Variants in PLCG2 observed in about 807,000 individuals in gnomAD.
PLCG2 encodes the protein phospholipase C gamma 2, also known as 1-phosphatidylinositol 4,5-bisphosphate phosphodiesterase gamma-2.
A neutral mutation model predicts 175.6 loss-of-function variants in PLCG2; 69 were observed. That is an observed-to-expected ratio of 0.39 (90% CI 0.32 to 0.48). The LOEUF is 0.48. Ranked by LOEUF, PLCG2 falls within the 20% of genes least tolerant of loss-of-function variation. The probability of loss-of-function intolerance (pLI) is 0.91; values close to 1 mark genes in which losing one functional copy is unlikely to be tolerated. For synonymous variants in PLCG2, 827 were observed against 624.0 expected (o/e 1.33, Z -4.85); for missense variants, 1,798 against 1,650.9 (o/e 1.09, Z -1.54).
At chr16:81,771,599 C>T (rs1348329514) in intron 2 of PLCG2, among the ~76,000 whole-genome samples, 1 of 152,100 alleles carries the variant, frequency 6.6e-6, no homozygotes, top group Non-Finnish European at 1.5e-5. Flanking sequence ...CCTCTTCCTG[C>T]TGTCTCCCCA....
intron 2 of PLCG2, among the ~76,000 whole-genome samples, chr16:81,829,270 G>T (rs12448393): frequency 0.43 from 65,852 of 151,656 alleles, 16,228 homozygotes; most frequent in African/African-American, 0.69. Context: ...CAACGTGCCC[G>T]GCTAATTTTT....
chr16:81,781,889 C>T (rs1597315011), intron 1 of PLCG2, among the ~76,000 whole-genome samples: 1 of 129,888 alleles, frequency 7.7e-6, no homozygotes, highest in South Asian at 2.5e-4. Context: ...CGCCCGCCCC[C>T]GAGACGGAGT....
intron 19 of PLCG2, among the ~76,000 whole-genome samples, chr16:81,914,524 T>G (rs1444054302): frequency 1.3e-5 from 2 of 152,178 alleles, no homozygotes; most frequent in African/African-American, 4.8e-5. Flanking sequence ...CCATTCAGTT[T>G]GTGAGCTTGT....
At chr16:81,948,483 G>C (rs576077953) in intron 31 of PLCG2, among the ~76,000 whole-genome samples, 110 of 152,304 alleles carry the variant, frequency 7.2e-4, no homozygotes, top group African/African-American at 2.5e-3. Flanking sequence ...GAGCTAACCT[G>C]CAAGGGGTGG....
chr16:81,902,773 A>C (rs950951463), intron 14 of PLCG2, among the ~76,000 whole-genome samples: 3 of 152,326 alleles, frequency 2.0e-5, no homozygotes, highest in Non-Finnish European at 4.4e-5. Flanking sequence ...TAAAGGAAAG[A>C]GGTTTAATGG....
Position 81,890,149 on chromosome 16 carries a change from A to G in PLCG2, c.867+876A>G, listed in dbSNP as rs1241726387. On this transcript the variant is annotated intron_variant, in intron 10 of 32. Coordinates refer to ENST00000564138, the MANE Select transcript of PLCG2 (RefSeq NM_002661.5). ...AAAGGCCAATCTTAGGTTAAACCACAGTGATGTTATCTGTAGGAGTAACTG... is the reference window on the plus strand; with the variant it reads ...AAAGGCCAATCTTAGGTTAAACCACGGTGATGTTATCTGTAGGAGTAACTG... Among the ~76,000 whole-genome samples, 3 of 152,124 alleles carry G rather than the reference A, an allele frequency of 2.0e-5. No homozygotes were observed. In the East Asian group the frequency reaches 5.8e-4, roughly 29 times the overall value.
At chr16:81,788,996 C>G (rs1911106431) in intron 2 of PLCG2, among the ~76,000 whole-genome samples, 1 of 152,196 alleles carries the variant, frequency 6.6e-6, no homozygotes, top group Non-Finnish European at 1.5e-5. Context: ...CCTGCCCATC[C>G]CAAACCTAGC....
At chr16:81,817,223 A>C (rs924833594) in intron 2 of PLCG2, among the ~76,000 whole-genome samples, 3 of 152,158 alleles carry the variant, frequency 2.0e-5, no homozygotes, top group African/African-American at 7.2e-5. Flanking sequence ...ATTTAGGCCG[A>C]GATCCGATGG....
intron 18 of PLCG2, 91 bp from the exon 19 acceptor site, chr16:81,912,506 T>C: frequency 6.8e-7 from 1 of 1,479,588 alleles, no homozygotes; most frequent in South Asian, 1.3e-5. Flanking sequence ...GTTCCAGGTG[T>C]CACTGGTGCC....
intron 7 of PLCG2, among the ~76,000 whole-genome samples, chr16:81,872,994 GA>G (rs1196204447): frequency 6.6e-6 from 1 of 152,208 alleles, no homozygotes; most frequent in Non-Finnish European, 1.5e-5. Context: ...AGAGAAATGG[GA>G]GGGCCATTTC....
At chr16:81,856,009 C>T (rs1242498577) in intron 3 of PLCG2, among the ~76,000 whole-genome samples, 1 of 152,130 alleles carries the variant, frequency 6.6e-6, no homozygotes, top group East Asian at 1.9e-4. Flanking sequence ...GTAAGGAGAC[C>T]AGAAGAACCC....
rs543448358 is a variant in PLCG2 at position 81,888,606 on chromosome 16, G to A, written c.766-566G>A. ...TACAATGCTTCACAGAAACTGTGTG[G>A]TAGATACTCTTATTCCCACTTCATG... On this transcript the variant is annotated intron_variant, in intron 9 of 32. Coordinates refer to ENST00000564138, the MANE Select transcript of PLCG2 (RefSeq NM_002661.5). Among the ~76,000 whole-genome samples the A allele has an allele frequency of 6.8e-4, 103 of 152,278 alleles. 1 individual carries two copies. The South Asian group carries it at 0.015, about 23-fold the overall frequency.
chr16:81,783,641 C>T (rs932480346), intron 1 of PLCG2, among the ~76,000 whole-genome samples: 1 of 152,140 alleles, frequency 6.6e-6, no homozygotes, highest in African/African-American at 2.4e-5. Flanking sequence ...CCGTATTTCC[C>T]ATTGAGATAA....
chr16:81,831,354 C>T (rs569834531), intron 2 of PLCG2, among the ~76,000 whole-genome samples: 20 of 152,320 alleles, frequency 1.3e-4, no homozygotes, highest in Admixed American at 8.5e-4. Flanking sequence ...AATGAACGGA[C>T]GTGACCATCA....
At chr16:81,769,440 C>G (rs1192872667) in intron 2 of PLCG2, among the ~76,000 whole-genome samples, 2 of 152,196 alleles carry the variant, frequency 1.3e-5, no homozygotes, top group Non-Finnish European at 2.9e-5. Flanking sequence ...GCCAATAACT[C>G]CCGGCGCATC....
At chr16:81,793,834 G>A (rs915019200) in intron 2 of PLCG2, among the ~76,000 whole-genome samples, 2 of 152,164 alleles carry the variant, frequency 1.3e-5, no homozygotes, top group African/African-American at 4.8e-5. Context: ...TGAGTCTTGG[G>A]GAGATGAGAT....
chr16:81,746,678 T>A (rs1909713778), intron 1 of PLCG2, among the ~76,000 whole-genome samples: 1 of 152,222 alleles, frequency 6.6e-6, no homozygotes, highest in Admixed American at 6.5e-5. Flanking sequence ...TATTTCTCCG[T>A]CGAACTTGAG....
At chr16:81,867,637 C>T (rs974300907) in intron 5 of PLCG2, among the ~76,000 whole-genome samples, 1 of 152,134 alleles carries the variant, frequency 6.6e-6, no homozygotes, top group Non-Finnish European at 1.5e-5. Context: ...GCTTTTGTTA[C>T]TATTGTTACT....
Position 81,921,198 on chromosome 16 carries a change from G to C in PLCG2, c.2236G>C (p.Glu746Gln), listed in dbSNP as rs1387006185. ...TTTCTTTCTTTCTTTTTTTTTCCAG[G>C]AAAGAGATATAAACTCCCTCTACGA... is the stretch of plus-strand genomic sequence containing the variant. ...TPELLERYNM[E>Q]RDINSLYDVS... The change falls in exon 21 of 33, where the codon GAA becomes CAA. Residue 746 changes from glutamate to glutamine, a missense_variant and splice_region_variant. By Grantham distance (29) the Glu-to-Gln change is conservative (BLOSUM62 2). Transcript: ENST00000564138. 6.4e-7 allele frequency: 1 copy of C among 1,566,304 alleles called. No homozygotes were observed. The highest frequency in any genetic ancestry group is 8.8e-7 in the Non-Finnish European group (1 of 1,138,340).
Sources: gnomAD v4.1 joint callset for allele counts (sites outside exome capture counted in the v4.1 genomes callset) on GRCh38, gnomAD v4.1.1 for gene constraint, MANE v1.5 for transcripts, NCBI Gene and HGNC (gene_info 2026-07-23, HGNC 2026-07-21) for gene names.